MRPS28: variants seen among roughly 807,000 people sequenced by gnomAD.
MRPS28 encodes small ribosomal subunit protein bS1m.
Under a neutral mutation model 10.8 loss-of-function variants are expected in MRPS28, and 7 were observed. The observed-to-expected ratio is 0.65, with a 90% CI of 0.37 to 1.22. The LOEUF is 1.22. Among genes scored for constraint, MRPS28 ranks in the 50% most tolerant of loss-of-function variants. The pLI, the probability that MRPS28 is intolerant of heterozygous loss-of-function variation, is 0.02. For missense variants in MRPS28, 265 were observed against 232.9 expected, an observed-to-expected ratio of 1.14 and a Z score of -0.90; for synonymous variants, 121 against 93.3, an observed-to-expected ratio of 1.30 and a Z score of -1.71.
chr8:79,930,944 T>C (rs1563519080), intron 2 of MRPS28, among the ~76,000 whole-genome samples: 1 of 152,250 alleles, frequency 6.6e-6, no homozygotes, highest in African/African-American at 2.4e-5. Context: ...AAGAGCTTTA[T>C]TGTTTGCTTT....
chr8:80,027,076 G>A (rs1001113982), intron 1 of MRPS28, among the ~76,000 whole-genome samples: 4 of 151,992 alleles, frequency 2.6e-5, no homozygotes, highest in East Asian at 1.9e-4. Context: ...GAATCTACAC[G>A]GTTTGATAAA....
chr8:79,951,052 G>A (rs2129969543), intron 2 of MRPS28, among the ~76,000 whole-genome samples: 1 of 152,208 alleles, frequency 6.6e-6, no homozygotes, highest in South Asian at 2.1e-4. Flanking sequence ...CTAATCCCAG[G>A]GAAAGAATAA....
At chr8:79,959,769 G>A (rs1406964089) in intron 2 of MRPS28, among the ~76,000 whole-genome samples, 2 of 151,876 alleles carry the variant, frequency 1.3e-5, no homozygotes, top group Non-Finnish European at 2.9e-5. Context: ...TATAATCCTA[G>A]GCTTTTAAGA....
intron 2 of MRPS28, among the ~76,000 whole-genome samples, chr8:80,000,168 G>C (rs772707228): frequency 1.3e-5 from 2 of 152,198 alleles, no homozygotes; most frequent in Non-Finnish European, 2.9e-5. Flanking sequence ...GAATGAATGA[G>C]TGAATGAATG....
intron 2 of MRPS28, among the ~76,000 whole-genome samples, chr8:79,986,967 A>C (rs1007477732): frequency 6.6e-6 from 1 of 152,224 alleles, no homozygotes; most frequent in Admixed American, 6.5e-5. Flanking sequence ...CACATCGCCA[A>C]GTCAATCCTG....
chr8:80,003,082 G>T lies in MRPS28; in HGVS notation c.312C>A (p.Ile104=), dbSNP rs746540582. 1 of 1,613,736 alleles carries T rather than the reference G, an allele frequency of 6.2e-7. No homozygotes were observed. The highest frequency in any genetic ancestry group is 1.1e-5 in the South Asian group (1 of 90,982). The change falls in exon 2 of 3, where the codon ATC becomes ATA. Residue 104 remains isoleucine, a synonymous_variant. Coordinates refer to ENST00000276585, the MANE Select transcript of MRPS28 (RefSeq NM_014018.3). ...PAKDKLVIGR[I]FHIVENDLYI... is the part of the protein sequence containing the mutation. ...ACAGATCATTCTCCACAATATGAAAGATCCGTCCAATGACCAGTTTATCCT... is the reference window on the plus strand; with the variant it reads ...ACAGATCATTCTCCACAATATGAAATATCCGTCCAATGACCAGTTTATCCT...
Position 79,939,828 on chromosome 8 carries a change from G to A in MRPS28, c.396-20680C>T, listed in dbSNP as rs2129927399. On this transcript the variant is annotated intron_variant, in intron 2 of 2. Transcript: ENST00000276585. ...TACTAAAAATACAAAAAATTAGCCG[G>A]GCATGGTGGCGGGCGCCTGTAGTCC... is the stretch of plus-strand genomic sequence containing the variant. 1.3e-5 allele frequency among the ~76,000 whole-genome samples: 2 copies of A among 152,116 alleles called. 1 individual carries two copies.
At chr8:79,958,266 T>C (rs990145212) in intron 2 of MRPS28, 11 of 638,754 alleles carry the variant, frequency 1.7e-5, no homozygotes, top group Non-Finnish European at 2.8e-5. Flanking sequence ...CAATATATGA[T>C]CTTTTGTGAA....
intron 2 of MRPS28, among the ~76,000 whole-genome samples, chr8:79,939,079 C>T (rs1224835486): frequency 6.6e-6 from 1 of 152,182 alleles, no homozygotes; most frequent in Non-Finnish European, 1.5e-5. Context: ...GAGGTTCTCT[C>T]CAAACTCCTT....
intron 2 of MRPS28, among the ~76,000 whole-genome samples, chr8:79,960,422 C>G (rs773028009): frequency 6.6e-6 from 1 of 152,124 alleles, no homozygotes; most frequent in Non-Finnish European, 1.5e-5. Flanking sequence ...CTGCACCCAT[C>G]TACAATTATT....
intron 2 of MRPS28, among the ~76,000 whole-genome samples, chr8:79,986,623 C>T (rs1203115186): frequency 1.3e-5 from 2 of 152,074 alleles, no homozygotes; most frequent in Admixed American, 1.3e-4. Context: ...CATTCTTATA[C>T]ACCAATAACA....
intron 2 of MRPS28, among the ~76,000 whole-genome samples, chr8:79,992,313 C>T: frequency 6.6e-6 from 1 of 152,208 alleles, no homozygotes; most frequent in East Asian, 1.9e-4. Flanking sequence ...AGAACAGTCA[C>T]ACAAAGCTCA....
intron 2 of MRPS28, among the ~76,000 whole-genome samples, chr8:79,974,864 T>C (rs961554415): frequency 1.3e-5 from 2 of 152,156 alleles, no homozygotes; most frequent in South Asian, 2.1e-4. Flanking sequence ...GTTTGTCTCA[T>C]AGTCAACAAA....
intron 2 of MRPS28, among the ~76,000 whole-genome samples, chr8:79,965,024 C>T: frequency 6.6e-6 from 1 of 152,046 alleles, no homozygotes; most frequent in East Asian, 1.9e-4. Context: ...TTTATGGATG[C>T]TGTATATGTG....
chr8:79,939,651 G>A (rs1806706309), intron 2 of MRPS28, among the ~76,000 whole-genome samples: 1 of 152,016 alleles, frequency 6.6e-6, no homozygotes, highest in Non-Finnish European at 1.5e-5. Flanking sequence ...TCTCCTCTTA[G>A]CTGAGAAGCC....
At chr8:79,936,611 T>C (rs1309027069) in intron 2 of MRPS28, among the ~76,000 whole-genome samples, 3 of 152,114 alleles carry the variant, frequency 2.0e-5, no homozygotes, top group African/African-American at 2.4e-5. Flanking sequence ...CTATAGGGGA[T>C]TGGTTAAATA....
intron 2 of MRPS28, among the ~76,000 whole-genome samples, chr8:79,927,586 C>G (rs1206438705): frequency 6.6e-6 from 1 of 152,176 alleles, no homozygotes; most frequent in African/African-American, 2.4e-5. Context: ...TCAATAAACA[C>G]TTGTTCAATA....
chr8:79,948,877 A>G lies in MRPS28; in HGVS notation c.396-29729T>C, dbSNP rs1158872647. ...TTTCTTGATTGTTACCATTTTGTTAAAGAGTTCTGCATCCATGTTCATAAG... is the reference window on the plus strand; with the variant it reads ...TTTCTTGATTGTTACCATTTTGTTAGAGAGTTCTGCATCCATGTTCATAAG... On this transcript the variant is annotated intron_variant, in intron 2 of 2. Transcript: ENST00000276585. Among the ~76,000 whole-genome samples, 5 of 152,252 alleles carry G rather than the reference A, an allele frequency of 3.3e-5. 1 individual carries two copies. The East Asian group carries it at 9.7e-4, about 29-fold the overall frequency.
At chr8:79,920,945 C>A (rs1224368573) in intron 2 of MRPS28, among the ~76,000 whole-genome samples, 1 of 152,084 alleles carries the variant, frequency 6.6e-6, no homozygotes, top group Non-Finnish European at 1.5e-5. Context: ...GTCTTTAATC[C>A]ATCTTGAATT....
Sources: gnomAD v4.1 joint callset for allele counts (sites outside exome capture counted in the v4.1 genomes callset) on GRCh38, gnomAD v4.1.1 for gene constraint, MANE v1.5 for transcripts, NCBI Gene and HGNC (gene_info 2026-07-23, HGNC 2026-07-21) for gene names.